ABCA13: variants seen among roughly 807,000 people sequenced by gnomAD.
The protein encoded by ABCA13 is ATP-binding cassette sub-family A member 13.
A neutral mutation model predicts 478.7 loss-of-function variants in ABCA13; 476 were observed. The ratio of observed to expected loss-of-function variants is 0.99; its 90% CI spans 0.92 to 1.07. The LOEUF (loss-of-function observed/expected upper bound fraction) is 1.07. ABCA13 is among the 50% of genes least tolerant of loss of function. The pLI is 0.00. For synonymous variants in ABCA13, 2,252 were observed against 2,158.9 expected, an observed-to-expected ratio of 1.04 and a Z score of -1.20; for missense variants, 6,060 against 5,910.6, an observed-to-expected ratio of 1.03 and a Z score of -0.83.
chr7:48,346,086 G>A, intron 29 of ABCA13, among the ~76,000 whole-genome samples: 1 of 152,172 alleles, frequency 6.6e-6, no homozygotes, highest in East Asian at 1.9e-4. Context: ...TGTGCAGTAG[G>A]CTGTACCATC....
chr7:48,329,435 T>C (rs1243962644), intron 27 of ABCA13, among the ~76,000 whole-genome samples: 1 of 152,168 alleles, frequency 6.6e-6, no homozygotes, highest in Non-Finnish European at 1.5e-5. Flanking sequence ...GTTAGCATCC[T>C]AGGGGGCTGG....
At chr7:48,425,532 C>G (rs1407414470) in intron 41 of ABCA13, among the ~76,000 whole-genome samples, 3 of 152,122 alleles carry the variant, frequency 2.0e-5, no homozygotes, top group Non-Finnish European at 4.4e-5. Flanking sequence ...TCATCTTAAG[C>G]AAGGATAATA....
At chr7:48,599,862 A>C (rs1790699736) in intron 58 of ABCA13, among the ~76,000 whole-genome samples, 1 of 152,200 alleles carries the variant, frequency 6.6e-6, no homozygotes, top group African/African-American at 2.4e-5. Context: ...TATCCTAGAG[A>C]ATTGTCTATG....
Position 48,587,223 on chromosome 7 carries a change from G to C in ABCA13, c.14575G>C (p.Gly4859Arg), listed in dbSNP as rs1339270734. 1 of 1,612,512 alleles carries C rather than the reference G, an allele frequency of 6.2e-7. No individual in the cohort carries two copies. Among genetic ancestry groups the C allele is most frequent in the Non-Finnish European group, 8.5e-7 (1 of 1,179,348 alleles). Residue 4859 changes from glycine to arginine, a missense_variant, in exon 57 of 62, where the codon GGG becomes CGG. By Grantham distance (125) the Gly-to-Arg change is moderately radical (BLOSUM62 -2). Around this residue, in one of 3 missense-constraint regions of ABCA13, gnomAD observed 1,627 missense variants for 1,571.0 expected, o/e 1.04. Transcript: ENST00000435803. Reference protein sequence around the residue: ...HADKPVATYSGGTKRKLSTAL... With the variant: ...HADKPVATYSRGTKRKLSTAL... ...GGACAAACCTGTGGCCACCTACAGTGGGGGAACCAAGCGGAAACTCTCTAC... is the reference window on the plus strand; with the variant it reads ...GGACAAACCTGTGGCCACCTACAGTCGGGGAACCAAGCGGAAACTCTCTAC...
chr7:48,282,120 A>G (rs59328053), intron 19 of ABCA13, among the ~76,000 whole-genome samples: 26,950 of 152,208 alleles, frequency 0.18, 2,512 homozygotes, highest in Admixed American at 0.25. Flanking sequence ...AATAGTGACT[A>G]TATTGTAAAT....
At chr7:48,186,945 T>C (rs1048877645) in intron 1 of ABCA13, among the ~76,000 whole-genome samples, 2 of 151,728 alleles carry the variant, frequency 1.3e-5, no homozygotes, top group African/African-American at 4.8e-5. Context: ...GTTTGGTAAA[T>C]ATATTATCTG....
At chr7:48,473,401 C>T (rs1338715560) in intron 45 of ABCA13, among the ~76,000 whole-genome samples, 1 of 152,160 alleles carries the variant, frequency 6.6e-6, no homozygotes, top group Non-Finnish European at 1.5e-5. Context: ...GCTGACTACA[C>T]AGGAGGCCCC....
chr7:48,296,922 G>A (rs778109457), intron 21 of ABCA13, among the ~76,000 whole-genome samples: 10 of 152,090 alleles, frequency 6.6e-5, no homozygotes, highest in Admixed American at 2.0e-4. Flanking sequence ...TTTCTCGTAC[G>A]TTCCATGATC....
Position 48,516,748 on chromosome 7 carries a change from A to T in ABCA13, c.13664A>T (p.Tyr4555Phe). 3 of 1,613,750 alleles carry T rather than the reference A, an allele frequency of 1.9e-6. No individual in the cohort carries two copies. The highest frequency in any genetic ancestry group is 2.5e-6 in the Non-Finnish European group (3 of 1,179,714). The change falls in exon 52 of 62, where the codon TAC becomes TTC. Residue 4555 changes from tyrosine to phenylalanine, a missense_variant. Tyr to Phe is a conservative substitution (Grantham distance 22). Coordinates refer to ENST00000435803, the MANE Select transcript of ABCA13 (RefSeq NM_152701.5). ...AGATATGCAACTCTTCCATGGATGT[A>T]CCTGATGTCCAGAATCTTTTCCAGT... is the stretch of plus-strand genomic sequence containing the variant. Reference protein sequence around the residue: ...LFGYATLPWMYLMSRIFSSSD... With the variant: ...LFGYATLPWMFLMSRIFSSSD...
Position 48,373,861 on chromosome 7 carries a change from A to T in ABCA13, c.11134-486A>T, listed in dbSNP as rs560049543. Among the ~76,000 whole-genome samples, 292 of 152,068 alleles carry T rather than the reference A, an allele frequency of 1.9e-3. 2 individuals are homozygous for T. The highest frequency in any genetic ancestry group is 4.5e-3 in the Admixed American group (68 of 15,222). On this transcript the variant is annotated intron_variant, in intron 33 of 61. Transcript: ENST00000435803. Reference sequence around the variant, plus strand: ...TACACTGTATTTTTTAATGTAAGATATTTTTTTCAATGGGGTTTCGTTCTA... The same window carrying T: ...TACACTGTATTTTTTAATGTAAGATTTTTTTTTCAATGGGGTTTCGTTCTA...
chr7:48,483,576 A>G (rs1162920902), intron 47 of ABCA13, among the ~76,000 whole-genome samples: 1 of 152,174 alleles, frequency 6.6e-6, no homozygotes, highest in Non-Finnish European at 1.5e-5. Flanking sequence ...AGTTACACAG[A>G]GCTACTCTTA....
chr7:48,378,056 T>C (rs779458034), intron 35 of ABCA13, among the ~76,000 whole-genome samples: 4 of 152,196 alleles, frequency 2.6e-5, no homozygotes, highest in Non-Finnish European at 5.9e-5. Context: ...GAACATTGTA[T>C]TCAGCTGAGA....
chr7:48,253,764 A>G (rs1411195307), intron 15 of ABCA13, among the ~76,000 whole-genome samples: 1 of 152,222 alleles, frequency 6.6e-6, no homozygotes, highest in Non-Finnish European at 1.5e-5. Flanking sequence ...GATTACAGGC[A>G]TGAGCTACAA....
Position 48,347,474 on chromosome 7 carries a change from G to A in ABCA13, c.10205-3169G>A, listed in dbSNP as rs1808295954. Among the ~76,000 whole-genome samples, 4 of 152,218 alleles carry A rather than the reference G, an allele frequency of 2.6e-5. No individual in the cohort carries two copies. The South Asian group carries it at 8.3e-4, about 32-fold the overall frequency. ...TCAGCACAGTATGCTGGAGTCACCA[G>A]CCAAGGGCTGGTTCAGAGATTTGGT... On this transcript the variant is annotated intron_variant, in intron 29 of 61. Transcript: ENST00000435803.
intron 42 of ABCA13, among the ~76,000 whole-genome samples, chr7:48,436,522 T>G (rs976819399): frequency 5.3e-5 from 8 of 151,852 alleles, no homozygotes; most frequent in Non-Finnish European, 1.0e-4. Flanking sequence ...ATTTTATTCA[T>G]CTCTGCTTTA....
At chr7:48,608,730 C>G (rs1791726634) in intron 58 of ABCA13, among the ~76,000 whole-genome samples, 1 of 152,180 alleles carries the variant, frequency 6.6e-6, no homozygotes, top group Non-Finnish European at 1.5e-5. Flanking sequence ...TGGGGAGCAG[C>G]CTATGGCTGG....
intron 46 of ABCA13, among the ~76,000 whole-genome samples, chr7:48,481,956 AC>A (rs1828812958): frequency 6.6e-6 from 1 of 152,118 alleles, no homozygotes; most frequent in Non-Finnish European, 1.5e-5. Flanking sequence ...TGAGAGTAGA[AC>A]ACTGTGATAG....
intron 38 of ABCA13, among the ~76,000 whole-genome samples, chr7:48,399,841 C>A (rs962384756): frequency 6.6e-6 from 1 of 152,090 alleles, no homozygotes; most frequent in African/African-American, 2.4e-5. Flanking sequence ...AAAGGAGACA[C>A]CTGCCCCACA....
rs765591955 is a variant in ABCA13 at position 48,240,856 on chromosome 7, C to T, written c.1063-11C>T. On this transcript the variant is annotated splice_polypyrimidine_tract_variant and intron_variant, in intron 9 of 61. Coordinates refer to ENST00000435803, the MANE Select transcript of ABCA13 (RefSeq NM_152701.5). Reference sequence around the variant, plus strand: ...TTATTAATGCTAGTATTTTGGTTTCCGAATTTGTAGGTGTTTGTTCAGTGG... The same window carrying T: ...TTATTAATGCTAGTATTTTGGTTTCTGAATTTGTAGGTGTTTGTTCAGTGG... 13 of 1,485,484 alleles carry T rather than the reference C, an allele frequency of 8.8e-6. No individual in the cohort carries two copies. In the South Asian group the frequency reaches 1.0e-4, roughly 12 times the overall value. The allele number at this position is 1,485,484 out of a possible 1,614,324, so 92.0% of individuals were successfully genotyped here.
Sources: allele counts gnomAD v4.1 joint callset (sites outside exome capture counted in the v4.1 genomes callset), GRCh38; gene constraint gnomAD v4.1.1; regional missense constraint gnomAD v4.1.1; transcripts MANE v1.5; gene names NCBI Gene and HGNC (gene_info 2026-07-23, HGNC 2026-07-21).